Variants in PRKN observed in about 807,000 individuals in gnomAD.
The protein encoded by PRKN is parkin RBR E3 ubiquitin protein ligase, also known as E3 ubiquitin-protein ligase parkin.
In PRKN, 56 loss-of-function variants were observed where a neutral mutation model predicts 59.5. The observed-to-expected ratio is 0.94, with a 90% CI of 0.76 to 1.18. The LOEUF (loss-of-function observed/expected upper bound fraction) is 1.18, where lower values mean the gene tolerates loss of function less well. Ranked by LOEUF, PRKN falls within the 50% of genes most tolerant of loss-of-function variation. PRKN has a pLI of 0.00. For synonymous variants in PRKN, 250 were observed against 222.1 expected, an observed-to-expected ratio of 1.13 and a Z score of -1.12; for missense variants, 657 against 596.4, an observed-to-expected ratio of 1.10 and a Z score of -1.06.
chr6:162,585,811 C>T (rs1278325200), intron 1 of PRKN, among the ~76,000 whole-genome samples: 1 of 152,084 alleles, frequency 6.6e-6, no homozygotes, highest in Non-Finnish European at 1.5e-5. Context: ...GAAGCCATCT[C>T]CTGCCTCAGC....
intron 1 of PRKN, among the ~76,000 whole-genome samples, chr6:162,682,094 A>C (rs1405026186): frequency 6.6e-6 from 1 of 152,142 alleles, no homozygotes; most frequent in East Asian, 1.9e-4. Flanking sequence ...TGACTCAGTA[A>C]ATTTTATTTA....
intron 1 of PRKN, among the ~76,000 whole-genome samples, chr6:162,641,146 T>C (rs1178836853): frequency 6.6e-6 from 1 of 152,166 alleles, no homozygotes; most frequent in Non-Finnish European, 1.5e-5. Context: ...AAATTTAACC[T>C]AGTGAAGGTT....
chr6:161,417,333 G>A lies in PRKN; in HGVS notation c.1084-30456C>T, dbSNP rs1203633477. On this transcript the variant is annotated intron_variant, in intron 9 of 11. Transcript: ENST00000366898. This position sits in a 1 kb window ranked among gnomAD's most constrained non-coding sequence, Gnocchi z 5.4. ...GGTGTGGTGGCGCCTGCCTGTAGTC[G>A]CAGCTACTCGGGAGGCTAAGGCAGC... Among the ~76,000 whole-genome samples, 5 of 151,670 alleles carry A rather than the reference G, an allele frequency of 3.3e-5. No homozygotes were observed. Among genetic ancestry groups the A allele is most frequent in the Admixed American group, 2.0e-4 (3 of 15,198 alleles).
At chr6:161,534,224 T>TA (rs1307015775) in intron 9 of PRKN, among the ~76,000 whole-genome samples, 1 of 152,158 alleles carries the variant, frequency 6.6e-6, no homozygotes, top group Non-Finnish European at 1.5e-5. Context: ...GCTGCCTAGC[T>TA]TTCTGTCCCT....
At chr6:161,511,720 A>G (rs1778399684) in intron 9 of PRKN, among the ~76,000 whole-genome samples, 1 of 152,164 alleles carries the variant, frequency 6.6e-6, no homozygotes, top group African/African-American at 2.4e-5. Context: ...AGTATCACTA[A>G]ATTGCAGCAT....
chr6:161,744,864 G>A (rs966997025), intron 7 of PRKN, among the ~76,000 whole-genome samples: 3 of 152,214 alleles, frequency 2.0e-5, no homozygotes, highest in African/African-American at 7.2e-5. Context: ...GGTGATAGAT[G>A]CCAGCAGCAG....
chr6:161,541,958 A>T (rs1779630851), intron 9 of PRKN, among the ~76,000 whole-genome samples: 1 of 152,214 alleles, frequency 6.6e-6, no homozygotes, highest in African/African-American at 2.4e-5. Context: ...TGACCCTTGA[A>T]CAACATGTAT....
chr6:161,439,216 A>G (rs570895384), intron 9 of PRKN, among the ~76,000 whole-genome samples: 2 of 152,330 alleles, frequency 1.3e-5, no homozygotes, highest in African/African-American at 2.4e-5. Context: ...CAGAAGAACA[A>G]TGACTCATTA....
chr6:161,829,565 G>A (rs964457941), intron 6 of PRKN, among the ~76,000 whole-genome samples: 1 of 152,224 alleles, frequency 6.6e-6, no homozygotes, highest in South Asian at 2.1e-4. Flanking sequence ...GGCCTAGAGA[G>A]CCCTGCTGGT....
chr6:161,465,695 T>A (rs1790431504), intron 9 of PRKN, among the ~76,000 whole-genome samples: 1 of 152,172 alleles, frequency 6.6e-6, no homozygotes, highest in Non-Finnish European at 1.5e-5. Context: ...TAACACATTG[T>A]TTTCTTTGTA....
In PRKN at chr6:161,621,375, C is replaced by A. The variant is rs937107650; in HGVS notation, c.872-51959G>T. 2.9e-4 allele frequency among the ~76,000 whole-genome samples: 44 copies of A among 152,094 alleles called. 1 individual carries two copies. The highest frequency in any genetic ancestry group is 1.1e-3 in the African/African-American group (44 of 41,416). On this transcript the variant is annotated intron_variant, in intron 7 of 11. Transcript: ENST00000366898. ...AACCAGAGAAGCTGATAGTGTAATT[C>A]TCAGTCTGAGGCTGGTGGGGGTTGG...
At position 161,785,902 on chromosome 6, in the gene PRKN, G is replaced by T. The variant is rs149749354; in HGVS notation, c.741C>A (p.Pro247=). The part of the protein sequence containing the change: ...TCITCTDVRS[P]VLVFQCNSRH... ...GGGAGTTGCACTGGAAAACCAGGAC[G>T]GGGCTCCTGCAGAGAGAAAGGAAGA... The change falls in exon 7 of 12, where the codon CCC becomes CCA. Residue 247 remains proline, a synonymous_variant. Coordinates refer to ENST00000366898, the MANE Select transcript of PRKN (RefSeq NM_004562.3). The T allele has an allele frequency of 3.1e-6, 5 of 1,613,964 alleles. No homozygotes were observed. Among genetic ancestry groups the T allele is most frequent in the Non-Finnish European group, 4.2e-6 (5 of 1,180,000 alleles).
At chr6:161,633,263 C>CTGAA (rs1208693660) in intron 7 of PRKN, among the ~76,000 whole-genome samples, 2 of 152,162 alleles carry the variant, frequency 1.3e-5, no homozygotes, top group African/African-American at 4.8e-5. Context: ...AATTTCTCTG[C>CTGAA]TGAATACATT....
chr6:161,870,356 G>A (rs1264166932), intron 6 of PRKN, among the ~76,000 whole-genome samples: 1 of 152,138 alleles, frequency 6.6e-6, no homozygotes. Context: ...AAAGGGGATG[G>A]CTGTGTTTCA....
At chr6:161,605,189 C>A (rs1782233794) in intron 7 of PRKN, among the ~76,000 whole-genome samples, 1 of 151,978 alleles carries the variant, frequency 6.6e-6, no homozygotes, top group South Asian at 2.1e-4. Context: ...ACCATCCACC[C>A]CTTTCAAAGC....
At chr6:162,333,753 C>T (rs1783703725) in intron 2 of PRKN, among the ~76,000 whole-genome samples, 1 of 147,504 alleles carries the variant, frequency 6.8e-6, no homozygotes, top group South Asian at 2.2e-4. Flanking sequence ...TTGCATGTCT[C>T]TCACTTTAAA....
chr6:161,975,744 G>A (rs1028567303), intron 5 of PRKN, among the ~76,000 whole-genome samples: 2 of 152,066 alleles, frequency 1.3e-5, no homozygotes, highest in African/African-American at 4.8e-5. Context: ...ACCGCTCAGG[G>A]GCCCACACTT....
chr6:162,397,058 A>G lies in PRKN; in HGVS notation c.171+46252T>C, dbSNP rs547771493. On this transcript the variant is annotated intron_variant, in intron 2 of 11. Transcript: ENST00000366898. ...GGACAGCGCAATAAGGGTCACTCCT[A>G]TGACTTTTGCTGGAACTATTAAGAA... Among the ~76,000 whole-genome samples the G allele has an allele frequency of 2.0e-5, 3 of 152,278 alleles. No individual in the cohort carries two copies. The South Asian group carries it at 6.2e-4, about 32-fold the overall frequency.
At chr6:161,364,532 C>CCAG (rs1338622139) in intron 10 of PRKN, among the ~76,000 whole-genome samples, 1 of 147,258 alleles carries the variant, frequency 6.8e-6, no homozygotes, top group Admixed American at 6.8e-5. Flanking sequence ...CCAGAAGGAG[C>CCAG]CAGGAGCTGC....
Sources: gnomAD v4.1 joint callset for allele counts (sites outside exome capture counted in the v4.1 genomes callset) on GRCh38, gnomAD v4.1.1 for gene constraint, Gnocchi (gnomAD v3.1) non-coding constraint, MANE v1.5 for transcripts, NCBI Gene and HGNC (gene_info 2026-07-23, HGNC 2026-07-21) for gene names.